Variants in TRMT2B observed in about 807,000 individuals in gnomAD.
The protein encoded by TRMT2B is tRNA methyltransferase 2B, also known as tRNA (uracil-5-)-methyltransferase homolog B.
In TRMT2B, 34 loss-of-function variants were observed where a neutral mutation model predicts 39.7. The observed-to-expected ratio is 0.86, with a 90% CI of 0.65 to 1.14. The LOEUF is 1.14. TRMT2B is among the 50% of genes most tolerant of loss of function. TRMT2B has a pLI of 0.00. For missense variants in TRMT2B, 318 were observed against 377.2 expected, an observed-to-expected ratio of 0.84 and a Z score of 1.30; for synonymous variants, 132 against 137.3, an observed-to-expected ratio of 0.96 and a Z score of 0.27.
intron 6 of TRMT2B, among the ~76,000 whole-genome samples, chrX:101,036,166 C>T (rs2087821363): frequency 9.0e-6 from 1 of 111,120 alleles, no homozygotes; most frequent in South Asian, 3.7e-4. Context: ...CAGGAATGGG[C>T]CAAGCACAGT....
chrX:101,041,650 T>C (rs1206273293), intron 3 of TRMT2B, among the ~76,000 whole-genome samples: 1 of 112,040 alleles, frequency 8.9e-6, no homozygotes, highest in Non-Finnish European at 1.9e-5. Context: ...GCTTTTAAAA[T>C]ATAATTTGAT....
the TRMT2B span, among the ~76,000 whole-genome samples, chrX:100,995,717 T>G: frequency 0.32 from 35,761 of 110,929 alleles, 4,487 homozygotes; most frequent in African/African-American, 0.43. Context: ...ACAACTGGCA[T>G]GCTATTCAAT....
chrX:100,975,431 A>G, the TRMT2B span, among the ~76,000 whole-genome samples: 14 of 111,410 alleles, frequency 1.3e-4, no homozygotes, highest in African/African-American at 4.6e-4. Flanking sequence ...GCATGCACTT[A>G]TTACAACATC....
intron 7 of TRMT2B, among the ~76,000 whole-genome samples, chrX:101,035,182 A>G (rs1360468398): frequency 9.0e-6 from 1 of 111,289 alleles, no homozygotes; most frequent in Non-Finnish European, 1.9e-5. Context: ...ACCTCATCCA[A>G]GAAAGAAAGA....
chrX:101,041,381 A>G lies in TRMT2B; in HGVS notation c.249-10T>C. 8.3e-7 allele frequency: 1 copy of G among 1,200,995 alleles called. No homozygotes were observed. Among genetic ancestry groups the G allele is most frequent in the Non-Finnish European group, 1.1e-6 (1 of 888,474 alleles). On this transcript the variant is annotated splice_polypyrimidine_tract_variant and intron_variant, in intron 3 of 13. Coordinates refer to ENST00000372936, the MANE Select transcript of TRMT2B (RefSeq NM_024917.6). ...CACAACATCAGCCAGCCTTGAATAA[A>G]ATAATTCAGGCAATTCTTTAATTAT...
intron 13 of TRMT2B, among the ~76,000 whole-genome samples, chrX:101,016,641 G>GTT (rs2086531052): frequency 1.3e-5 from 1 of 77,387 alleles, no homozygotes; most frequent in African/African-American, 5.8e-5. Context: ...TAATTTTCGT[G>GTT]GTTTTTTTTT....
chrX:100,991,583 C>G, the TRMT2B span, among the ~76,000 whole-genome samples: 21 of 111,388 alleles, frequency 1.9e-4, no homozygotes, highest in African/African-American at 6.8e-4. Context: ...ACCGTGTTAG[C>G]CAGGATGGTC....
the TRMT2B span, among the ~76,000 whole-genome samples, chrX:100,998,259 CAA>C: frequency 1.2e-4 from 6 of 48,703 alleles, no homozygotes; most frequent in East Asian, 7.6e-4. Context: ...GACTCCATCT[CAA>C]AAAAAAAAAA....
At position 101,051,280 on chromosome X, in the gene TRMT2B, C is replaced by G. The variant is rs2089075556; in HGVS notation, c.-53G>C. ...GCAGGGCCAAGGATCCCTTTTGGAG[C>G]AAAATGTTCACCCACCGACAAGGGT... On this transcript the variant is annotated 5_prime_UTR_variant, in exon 2 of 14. Transcript: ENST00000372936. 9.3e-6 allele frequency: 7 copies of G among 753,770 alleles called. No individual in the cohort carries two copies. Among genetic ancestry groups the G allele is most frequent in the Non-Finnish European group, 1.1e-5 (7 of 639,294 alleles). The allele number at this position is 753,770 out of a possible 1,213,427, so 62.1% of individuals were successfully genotyped here. A position where few individuals can be genotyped will look rare whatever the true frequency, so the allele number is the denominator to read the frequency against.
At chrX:101,029,275 C>T (rs1233010861) in intron 7 of TRMT2B, among the ~76,000 whole-genome samples, 1 of 111,143 alleles carries the variant, frequency 9.0e-6, no homozygotes, top group African/African-American at 3.3e-5. Flanking sequence ...TCCAGGGTTT[C>T]TCAACATCAG....
At chrX:100,982,374 C>A in the TRMT2B span, among the ~76,000 whole-genome samples, 1 of 110,738 alleles carries the variant, frequency 9.0e-6, no homozygotes, top group Non-Finnish European at 1.9e-5. Flanking sequence ...GGCCTGTAAT[C>A]TCAGCTACGC....
intron 9 of TRMT2B, 95 bp from the exon 10 acceptor site, chrX:101,021,410 C>A (rs1303189042): frequency 3.9e-6 from 3 of 766,057 alleles, no homozygotes; most frequent in African/African-American, 2.1e-5. Flanking sequence ...GGGCAGATCA[C>A]CTAAGGTCAG....
At chrX:101,020,350 A>G (rs143219493) in intron 11 of TRMT2B, 137 bp downstream of exon 11, 7 of 497,849 alleles carry the variant, frequency 1.4e-5, no homozygotes, top group Non-Finnish European at 2.4e-5. Flanking sequence ...TCAGAAAACC[A>G]TTCTGACCCC....
rs750324568 is a variant in TRMT2B, at chrX:101,021,082, G to A, written c.1066+19C>T. 1.7e-6 allele frequency: 2 copies of A among 1,201,493 alleles called. No individual in the cohort carries two copies. The highest frequency in any genetic ancestry group is 2.3e-6 in the Non-Finnish European group (2 of 887,418). On this transcript the variant is annotated intron_variant, in intron 10 of 13. Coordinates refer to ENST00000372936, the MANE Select transcript of TRMT2B (RefSeq NM_024917.6). ...GGGAGCTGAGCAGCATGCAGATTCT[G>A]CCCTGGGCTTCCACTTGCCAGTTCC...
At chrX:101,017,274 TTTAA>T (rs2086576229) in intron 13 of TRMT2B, among the ~76,000 whole-genome samples, 1 of 112,065 alleles carries the variant, frequency 8.9e-6, no homozygotes, top group African/African-American at 3.2e-5. Context: ...GGCTTATTTA[TTTAA>T]TTTTTTTCTT....
At chrX:100,990,516 T>C in the TRMT2B span, 41 of 1,094,916 alleles carry the variant, frequency 3.7e-5, no homozygotes, top group South Asian at 1.0e-3. Flanking sequence ...TACTCTAATA[T>C]CACATCCCTG....
the TRMT2B span, chrX:100,987,481 G>T: frequency 4.3e-5 from 52 of 1,209,632 alleles, no homozygotes; most frequent in Middle Eastern, 1.1e-3. Flanking sequence ...ATTGATACTT[G>T]CCAACTACCA....
the TRMT2B span, among the ~76,000 whole-genome samples, chrX:101,004,257 T>C: frequency 6.4e-5 from 5 of 78,166 alleles, no homozygotes; most frequent in Admixed American, 1.3e-4. Context: ...GACACTGTTT[T>C]TGGGAAAACA....
rs750267912 is a variant in TRMT2B, at chrX:101,010,615, G to C, written c.1481C>G (p.Pro494Arg). The change falls in exon 14 of 14, where the codon CCA (proline) becomes CGA (arginine). Residue 494 changes from proline (P) to arginine (R), a missense_variant. Transcript: ENST00000372936. ...AVPVDLFPHT[P>R]HCELVLLFTR Reference sequence around the variant, plus strand: ...AAAGAGGAGCACCAGCTCACAATGTGGGGTGTGAGGGAACAAATCCACAGG... The same window carrying C: ...AAAGAGGAGCACCAGCTCACAATGTCGGGTGTGAGGGAACAAATCCACAGG... 1 of 1,209,045 alleles carries C rather than the reference G, an allele frequency of 8.3e-7. No homozygotes were observed. The highest frequency in any genetic ancestry group is 1.8e-5 in the African/African-American group (1 of 57,104).
Sources: allele counts gnomAD v4.1 joint callset (sites outside exome capture counted in the v4.1 genomes callset), GRCh38; gene constraint gnomAD v4.1.1; transcripts MANE v1.5; gene names NCBI Gene and HGNC (gene_info 2026-07-23, HGNC 2026-07-21).